REV1: variants seen among roughly 807,000 people sequenced by gnomAD.
The protein encoded by REV1 is translesion synthesis protein REV1.
Under a neutral mutation model 137.4 loss-of-function variants are expected in REV1, and 42 were observed. That is an observed-to-expected ratio of 0.31 (90% CI 0.24 to 0.40). The LOEUF (loss-of-function observed/expected upper bound fraction) is 0.40. REV1 is among the 10% of genes least tolerant of loss of function. REV1 has a pLI of 1.00. For synonymous variants in REV1, 524 were observed against 519.2 expected, an observed-to-expected ratio of 1.01 and a Z score of -0.12; for missense variants, 1,282 against 1,490.1, an observed-to-expected ratio of 0.86 and a Z score of 2.30.
intron 12 of REV1, among the ~76,000 whole-genome samples, chr2:99,414,741 A>C (rs1202032223): frequency 6.6e-6 from 1 of 152,066 alleles, no homozygotes; most frequent in Non-Finnish European, 1.5e-5. Flanking sequence ...CTCACTTCCC[A>C]CTCCCATAAT....
At chr2:99,463,657 T>C (rs1575186220) in intron 2 of REV1, among the ~76,000 whole-genome samples, 2 of 152,238 alleles carry the variant, frequency 1.3e-5, no homozygotes, top group East Asian at 3.9e-4. Flanking sequence ...AGGGTCTTGC[T>C]GTTGTCGCCC....
chr2:99,442,937 T>C (rs1051575385), intron 4 of REV1, among the ~76,000 whole-genome samples: 3 of 152,218 alleles, frequency 2.0e-5, no homozygotes, highest in Non-Finnish European at 4.4e-5. Context: ...TTTGAAGATA[T>C]GAACTCTACA....
intron 12 of REV1, among the ~76,000 whole-genome samples, chr2:99,415,760 G>A (rs1677769915): frequency 6.6e-6 from 1 of 152,240 alleles, no homozygotes; most frequent in Non-Finnish European, 1.5e-5. Context: ...CTGAAAATGG[G>A]ATAGAGAGGG....
chr2:99,402,613 C>T, intron 21 of REV1, 31 bp downstream of exon 21: 1 of 1,601,308 alleles, frequency 6.2e-7, no homozygotes, highest in Non-Finnish European at 8.5e-7. Flanking sequence ...TACATCTCAG[C>T]CTTGGGCCAT....
chr2:99,432,389 A>G (rs1364596541), intron 8 of REV1, among the ~76,000 whole-genome samples: 2 of 152,174 alleles, frequency 1.3e-5, no homozygotes, highest in Non-Finnish European at 2.9e-5. Context: ...CCGATCCTCA[A>G]TATTTTTATA....
intron 3 of REV1, among the ~76,000 whole-genome samples, chr2:99,454,309 G>A (rs546707869): frequency 6.6e-6 from 1 of 152,150 alleles, no homozygotes; most frequent in East Asian, 1.9e-4. Flanking sequence ...CAGCACTTTG[G>A]TAGGCCACAG....
intron 12 of REV1, among the ~76,000 whole-genome samples, chr2:99,415,565 TCCAATACA>T (rs1345477884): frequency 2.6e-5 from 4 of 152,266 alleles, no homozygotes; most frequent in African/African-American, 9.6e-5. Flanking sequence ...TCGTCTGCTA[TCCAATACA>T]GGAGAACCTT....
intron 14 of REV1, among the ~76,000 whole-genome samples, chr2:99,409,309 G>A (rs902117068): frequency 2.6e-5 from 4 of 152,240 alleles, no homozygotes; most frequent in East Asian, 1.9e-4. Flanking sequence ...AAGAGCAGTC[G>A]TCTCACGACT....
intron 20 of REV1, 35 bp downstream of exon 20, chr2:99,402,854 T>C: frequency 3.7e-6 from 6 of 1,612,954 alleles, no homozygotes; most frequent in East Asian, 2.2e-5. Flanking sequence ...TCCAGGTATA[T>C]TAAGATCTCA....
At chr2:99,458,030 G>T (rs1358072517) in intron 3 of REV1, among the ~76,000 whole-genome samples, 3 of 152,048 alleles carry the variant, frequency 2.0e-5, no homozygotes, top group Non-Finnish European at 4.4e-5. Flanking sequence ...GAAAACATTT[G>T]GGATCTAGCA....
chr2:99,407,320 G>A lies in REV1; in HGVS notation c.2448+709C>T, dbSNP rs148139326. ...AATCCCAGCACTTTGAGAGGCTGAG[G>A]TGGGTGGATCACCTGAGGTCAGGAG... On this transcript the variant is annotated intron_variant, in intron 15 of 22. Transcript: ENST00000258428. Among the ~76,000 whole-genome samples the A allele has an allele frequency of 3.3e-3, 496 of 151,752 alleles. 6 individuals are homozygous for A. The highest frequency in any genetic ancestry group is 0.011 in the African/African-American group (475 of 41,422).
rs143238771 is a variant in REV1 at position 99,439,283 on chromosome 2, C to T, written c.531G>A (p.Thr177=). 104 of 1,612,598 alleles carry T rather than the reference C, an allele frequency of 6.4e-5. No homozygotes were observed. The African/African-American group carries it at 1.2e-3, about 18-fold the overall frequency. ...RVNHIVKKIE[T]ENEVKVNGMN... is the part of the protein sequence containing the mutation. The stretch of plus-strand genomic sequence containing the variant: ...TGCCATTGACTTTGACTTCATTTTC[C>T]GTTTCAATCTTCTTAACGATGTGAT... The change falls in exon 6 of 23, where the codon ACG becomes ACA. Residue 177 remains threonine (T), a synonymous_variant. Coordinates refer to ENST00000258428, the MANE Select transcript of REV1 (RefSeq NM_016316.4).
rs1675275171 is a variant in REV1 at position 99,400,802 on chromosome 2, CA to C, written c.*438del. 6.5e-6 allele frequency: 1 copy of C among 153,336 alleles called. No homozygotes were observed. The highest frequency in any genetic ancestry group is 2.4e-5 in the African/African-American group (1 of 41,444). 9.5% of individuals were successfully genotyped at this position (153,336 alleles called of 1,614,324 possible). ...TTAGAAGCTTTACCCTTTCTTGGAACAAGTAGAATCCCGGTCTGAGACCTCT... is the reference window on the plus strand; with the variant it reads ...TTAGAAGCTTTACCCTTTCTTGGAACAGTAGAATCCCGGTCTGAGACCTCT... On this transcript the variant is annotated 3_prime_UTR_variant, in exon 23 of 23. Coordinates refer to ENST00000258428, the MANE Select transcript of REV1 (RefSeq NM_016316.4).
In REV1 at chr2:99,408,011, A is replaced by G; in HGVS notation, c.2448+18T>C. ...ACATTACACAAAGTCAGAATTTACA[A>G]TGTTACTATATACTTACCCCTCTCA... On this transcript the variant is annotated intron_variant, in intron 15 of 22. Coordinates refer to ENST00000258428, the MANE Select transcript of REV1 (RefSeq NM_016316.4). The G allele has an allele frequency of 1.4e-6, 2 of 1,416,140 alleles. No homozygotes were observed. The highest frequency in any genetic ancestry group is 9.7e-7 in the Non-Finnish European group (1 of 1,033,080). 87.7% of individuals were successfully genotyped at this position (1,416,140 alleles called of 1,614,324 possible).
intron 3 of REV1, among the ~76,000 whole-genome samples, chr2:99,455,736 T>C (rs919276836): frequency 6.6e-6 from 1 of 152,094 alleles, no homozygotes; most frequent in Non-Finnish European, 1.5e-5. Context: ...CTAAAGAGAA[T>C]CCTCTCCTAA....
chr2:99,458,284 T>C (rs10172068), intron 3 of REV1, among the ~76,000 whole-genome samples: 93,392 of 151,954 alleles, frequency 0.61, 29,469 homozygotes, highest in African/African-American at 0.74. Context: ...AGGAAAAAAA[T>C]ATGAACAAAT....
chr2:99,474,567 G>C (rs1685764480), intron 1 of REV1, among the ~76,000 whole-genome samples: 1 of 152,136 alleles, frequency 6.6e-6, no homozygotes, highest in Non-Finnish European at 1.5e-5. Flanking sequence ...AAGAAAACAG[G>C]TCCTACAATT....
chr2:99,437,652 TA>T (rs960057651), intron 6 of REV1, among the ~76,000 whole-genome samples: 17 of 152,182 alleles, frequency 1.1e-4, no homozygotes, highest in Non-Finnish European at 2.4e-4. Context: ...TTTCATACAA[TA>T]ACAAAATTTC....
At chr2:99,476,700 AAACTAAAGGTCAACC>A (rs1460210533) in intron 1 of REV1, among the ~76,000 whole-genome samples, 1 of 152,194 alleles carries the variant, frequency 6.6e-6, no homozygotes, top group African/African-American at 2.4e-5. Flanking sequence ...GAAGGGCTGA[AAACTAAAGGTCAACC>A]ATGCCAACAG....
Sources: allele counts gnomAD v4.1 joint callset (sites outside exome capture counted in the v4.1 genomes callset), GRCh38; gene constraint gnomAD v4.1.1; transcripts MANE v1.5; gene names NCBI Gene and HGNC (gene_info 2026-07-23, HGNC 2026-07-21).